Variants in SWI5 observed in about 807,000 individuals in gnomAD.
SWI5 encodes DNA repair protein SWI5 homolog.
Under a neutral mutation model 17.0 loss-of-function variants are expected in SWI5, and 12 were observed. That is an observed-to-expected ratio of 0.71 (90% CI 0.45 to 1.14). The LOEUF is 1.14. Among genes scored for constraint, SWI5 ranks in the 50% most tolerant of loss-of-function variants. The pLI, the probability that SWI5 is intolerant of heterozygous loss-of-function variation, is 0.00. For missense variants in SWI5, 158 were observed against 162.2 expected, an observed-to-expected ratio of 0.97 and a Z score of 0.14; for synonymous variants, 61 against 64.0, an observed-to-expected ratio of 0.95 and a Z score of 0.22.
chr9:128,276,164 A>AG, upstream of SWI5: 1 of 1,571,944 alleles, frequency 6.4e-7, no homozygotes, highest in Non-Finnish European at 8.6e-7. Flanking sequence ...GCGTGGCCAG[A>AG]GGGACCTGTG....
At chr9:128,275,777 G>T (rs912306117), upstream of SWI5, 2 of 618,304 alleles carry the variant, frequency 3.2e-6, no homozygotes, top group South Asian at 2.1e-5. Context: ...GAGCCCGGAC[G>T]CGCCGTGGGG....
chr9:128,280,645 C>T (rs1159998411), intron 2 of SWI5, among the ~76,000 whole-genome samples: 1 of 152,018 alleles, frequency 6.6e-6, no homozygotes, highest in Non-Finnish European at 1.5e-5. Context: ...AGCCTCCCGA[C>T]TAGCTGGGAC....
intron 2 of SWI5, among the ~76,000 whole-genome samples, chr9:128,284,306 A>AAG (rs1831594773): frequency 6.6e-6 from 1 of 151,716 alleles, no homozygotes; most frequent in African/African-American, 2.4e-5. Flanking sequence ...AAAAAAAAAA[A>AAG]AATCCCAGAT....
At chr9:128,276,205 CT>C, upstream of SWI5, 1 of 1,606,132 alleles carries the variant, frequency 6.2e-7, no homozygotes, top group Non-Finnish European at 8.5e-7. Context: ...CACGCAACCG[CT>C]GTCCCCGCCC....
chr9:128,283,421 C>T (rs915585209), intron 2 of SWI5, among the ~76,000 whole-genome samples: 13 of 152,062 alleles, frequency 8.5e-5, no homozygotes, highest in Non-Finnish European at 1.5e-4. Flanking sequence ...TACTTGAACC[C>T]GGGAGGCGGA....
chr9:128,275,871 G>A (rs1564370971), upstream of SWI5: 1 of 1,381,554 alleles, frequency 7.2e-7, no homozygotes, highest in South Asian at 1.2e-5. Context: ...GGGTCGGGGG[G>A]CCGCGACCCG....
chr9:128,275,964 G>C (rs766415906), upstream of SWI5: 2 of 1,596,208 alleles, frequency 1.3e-6, no homozygotes, highest in South Asian at 1.1e-5. Flanking sequence ...GGGAGGCGGG[G>C]TTGGGGCCAC....
At chr9:128,281,900 C>A (rs1831545492) in intron 2 of SWI5, among the ~76,000 whole-genome samples, 1 of 151,990 alleles carries the variant, frequency 6.6e-6, no homozygotes, top group African/African-American at 2.4e-5. Context: ...AGCAAGACCC[C>A]ATCTCTACAA....
intron 4 of SWI5, among the ~76,000 whole-genome samples, chr9:128,288,219 G>T (rs1831678579): frequency 6.6e-6 from 1 of 152,156 alleles, no homozygotes; most frequent in Admixed American, 6.6e-5. Flanking sequence ...CATGGAGGCT[G>T]CAGAGGGGCA....
chr9:128,287,851 G>A (rs950856754), intron 4 of SWI5, among the ~76,000 whole-genome samples: 9 of 151,620 alleles, frequency 5.9e-5, no homozygotes, highest in African/African-American at 1.9e-4. Context: ...CTGAGCCACC[G>A]CACCTGGCAT....
exon 5 of SWI5, chr9:128,288,782 G>C: frequency 6.4e-7 from 1 of 1,561,968 alleles, no homozygotes; most frequent in Non-Finnish European, 8.8e-7. Context: ...TAAACACTGA[G>C]AGCCCAACCA....
upstream of SWI5, chr9:128,275,644 G>A: frequency 1.5e-6 from 1 of 683,318 alleles, no homozygotes; most frequent in Non-Finnish European, 2.3e-6. Context: ...GGCAGGAGGT[G>A]AGGGCCGAGT....
In SWI5 at chr9:128,276,320, G is replaced by T; in HGVS notation, c.-21G>T. ...AGTTCCTGGCCCGGTGCACCTGAGA[G>T]GTCGCTCTCCGACTCCCGCGCTGGA... On this transcript the variant is annotated 5_prime_UTR_variant, in exon 1 of 5. In the 5' UTR this introduces an upstream ATG that the reference lacks. Coordinates refer to ENST00000418976, the Ensembl canonical transcript of SWI5. 1 of 1,613,182 alleles carries T rather than the reference G, an allele frequency of 6.2e-7. No homozygotes were observed. Among genetic ancestry groups the T allele is most frequent in the Non-Finnish European group, 8.5e-7 (1 of 1,179,666 alleles).
At chr9:128,275,802 T>A (rs549197155), upstream of SWI5, 271 of 698,006 alleles carry the variant, frequency 3.9e-4, no homozygotes, top group South Asian at 5.7e-4. Flanking sequence ...CAGCCCGGTG[T>A]GCCTCAGGAG....
chr9:128,276,567 C>T (rs372377843), intron 1 of SWI5, 140 bp from the exon 2 acceptor site: 1 of 1,589,918 alleles, frequency 6.3e-7, no homozygotes, highest in Non-Finnish European at 8.6e-7. Flanking sequence ...ATCCTGAGAG[C>T]GTGTCTGCCC....
chr9:128,282,830 G>T (rs909543705), intron 2 of SWI5, among the ~76,000 whole-genome samples: 3 of 152,226 alleles, frequency 2.0e-5, no homozygotes, highest in Non-Finnish European at 4.4e-5. Context: ...GCTTCTACAG[G>T]CAGAAAGGGC....
rs1307920019 is a variant in SWI5 at position 128,276,761 on chromosome 9, T to G, written c.111+6T>G. 2.5e-6 allele frequency: 4 copies of G among 1,606,522 alleles called. No individual in the cohort carries two copies. The highest frequency in any genetic ancestry group is 1.7e-6 in the Non-Finnish European group (2 of 1,175,156). ...GCGGGGCCTTCCGATCCCCTGTGAG[T>G]ATTTCTTCCCCCACACCCCCTTTCC... On this transcript the variant is annotated splice_donor_region_variant and intron_variant, in intron 2 of 4. Transcript: ENST00000418976.
intron 2 of SWI5, among the ~76,000 whole-genome samples, chr9:128,283,113 G>A (rs1454611864): frequency 2.0e-5 from 3 of 151,934 alleles, no homozygotes; most frequent in Non-Finnish European, 2.9e-5. Flanking sequence ...TCAGGAGTTC[G>A]AGACCAGCCT....
At chr9:128,279,135 TC>T (rs1412813496) in intron 2 of SWI5, among the ~76,000 whole-genome samples, 1 of 152,138 alleles carries the variant, frequency 6.6e-6, no homozygotes, top group Non-Finnish European at 1.5e-5. Context: ...AGGAGCACCC[TC>T]CTGACCTCTC....
Sources: allele counts gnomAD v4.1 joint callset (sites outside exome capture counted in the v4.1 genomes callset), GRCh38; gene constraint gnomAD v4.1.1; transcripts MANE v1.5; gene names NCBI Gene and HGNC (gene_info 2026-07-23, HGNC 2026-07-21).